The following TAAR9 variants were observed in gnomAD, a reference collection of about 807,000 sequenced individuals.
The protein encoded by TAAR9 is trace amine associated receptor 9.
For synonymous variants in TAAR9, 162 were observed against 152.6 expected (o/e 1.06, Z -0.45); for missense variants, 453 against 409.4 (o/e 1.11, Z -0.92).
exon 1 of TAAR9, chr6:132,539,211 C>A (rs776110274): frequency 6.2e-7 from 1 of 1,609,658 alleles, no homozygotes. Context: ...AGCTATGAAC[C>A]CCTTGATTTA....
chr6:132,538,562 G>A, exon 1 of TAAR9: 1 of 1,592,904 alleles, frequency 6.3e-7, no homozygotes, highest in South Asian at 1.2e-5. Flanking sequence ...TCAGCACAGT[G>A]AGGTCTGTGG....
At chr6:132,539,277 G>T (rs757490975) in exon 1 of TAAR9, 122 of 1,612,908 alleles carry the variant, frequency 7.6e-5, no homozygotes, top group Non-Finnish European at 1.0e-4. Context: ...AAGCGGCAAG[G>T]TCTTAAGGAC....
chr6:132,538,457 T>C (rs965447270), exon 1 of TAAR9: 1 of 1,613,420 alleles, frequency 6.2e-7, no homozygotes, highest in Non-Finnish European at 8.5e-7. Context: ...TCATGATTGC[T>C]ATCCTTCACT....
chr6:132,539,319 G>A, exon 1 of TAAR9: 1 of 1,608,014 alleles, frequency 6.2e-7, no homozygotes, highest in Non-Finnish European at 8.5e-7. Flanking sequence ...ATTTTCTGAA[G>A]AAGTAGAGAC....
At chr6:132,539,245 G>C in exon 1 of TAAR9, 1 of 1,612,924 alleles carries the variant, frequency 6.2e-7, no homozygotes, top group Non-Finnish European at 8.5e-7. Context: ...CAATGGTTTG[G>C]GAAGGCAATA....
At chr6:132,539,222 T>C (rs1482115576) in exon 1 of TAAR9, 3 of 1,612,104 alleles carry the variant, frequency 1.9e-6, no homozygotes, top group Non-Finnish European at 2.5e-6. Context: ...CCTTGATTTA[T>C]GCTTTCTTTT....
Position 132,538,661 on chromosome 6 carries a change from C to A in TAAR9, c.372C>A (p.Cys124Ter). ...GTTTTGCTTCTTTATTTCATTTATG[C>A]TGTATCTCTGTTGATAGATACATTG... is the stretch of plus-strand genomic sequence containing the variant. Residue 124 changes from cysteine to a stop codon, truncating the protein, a stop_gained, in exon 1 of 1, where the codon TGC becomes TGA. Coordinates refer to ENST00000434551, the Ensembl canonical transcript of TAAR9. LOFTEE classifies it low-confidence loss of function (END_TRUNC). 6.2e-7 allele frequency: 1 copy of A among 1,606,470 alleles called. No homozygotes were observed. The highest frequency in any genetic ancestry group is 8.5e-7 in the Non-Finnish European group (1 of 1,176,628).
At chr6:132,539,133 G>A in exon 1 of TAAR9, 1 of 1,571,578 alleles carries the variant, frequency 6.4e-7, no homozygotes, top group Non-Finnish European at 8.6e-7. Context: ...AGTGATTGAT[G>A]CTTATATGAA....
exon 1 of TAAR9, chr6:132,538,923 G>A (rs769746550): frequency 9.4e-6 from 15 of 1,589,696 alleles, no homozygotes; most frequent in African/African-American, 2.7e-5. Flanking sequence ...ACCCAATGTC[G>A]CCATGGTGTT....
At chr6:132,538,929 G>T (rs187427561) in exon 1 of TAAR9, 2 of 1,585,266 alleles carry the variant, frequency 1.3e-6, no homozygotes, top group East Asian at 4.5e-5. Context: ...TGTCGCCATG[G>T]TGTTTATATA....
exon 1 of TAAR9, chr6:132,539,099 T>A (rs771759324): frequency 3.2e-6 from 5 of 1,546,764 alleles, no homozygotes; most frequent in African/African-American, 1.4e-5. Flanking sequence ...TTCTTGTCTC[T>A]TGGCTACCAT....
At chr6:132,539,220 T>C (rs1776261513) in exon 1 of TAAR9, 1 of 1,611,858 alleles carries the variant, frequency 6.2e-7, no homozygotes, top group East Asian at 2.2e-5. Flanking sequence ...CCCCTTGATT[T>C]ATGCTTTCTT....
At chr6:132,539,182 G>C in exon 1 of TAAR9, 1 of 1,592,366 alleles carries the variant, frequency 6.3e-7, no homozygotes, top group Non-Finnish European at 8.5e-7. Context: ...ATTTTAGTTT[G>C]GTGTGTTTAT....
chr6:132,538,523 CTT>C lies in TAAR9; in HGVS notation c.235_236del (p.Phe79LeufsTer27). 6.2e-7 allele frequency: 1 copy of C among 1,612,088 alleles called. No homozygotes were observed. The highest frequency in any genetic ancestry group is 8.5e-7 in the Non-Finnish European group (1 of 1,178,896). On this transcript the variant is annotated frameshift_variant, in exon 1 of 1. Coordinates refer to ENST00000434551, the Ensembl canonical transcript of TAAR9. LOFTEE classifies it low-confidence loss of function (END_TRUNC). ...TGATTGCGTCGCTGGCCTGTGCTGA[CTT>C]CTTGGTGGGAGTCACTGTGATGCCC...
exon 1 of TAAR9, chr6:132,538,985 A>T: frequency 1.3e-6 from 2 of 1,534,600 alleles, no homozygotes; most frequent in Non-Finnish European, 1.7e-6. Context: ...GGAAGATAGA[A>T]AGTACAGCCA....
chr6:132,539,102 G>T, exon 1 of TAAR9: 1 of 1,547,930 alleles, frequency 6.5e-7, no homozygotes. Flanking sequence ...TTGTCTCTTG[G>T]CTACCATACC....
exon 1 of TAAR9, chr6:132,538,787 G>C (rs200294954): frequency 6.2e-7 from 1 of 1,613,736 alleles, no homozygotes; most frequent in South Asian, 1.1e-5. Flanking sequence ...ACAGCTTTTC[G>C]ATCTTTTACA....
At chr6:132,538,401 G>T in exon 1 of TAAR9, 1 of 1,613,684 alleles carries the variant, frequency 6.2e-7, no homozygotes, top group East Asian at 2.2e-5. Flanking sequence ...CCTCTACGCC[G>T]TCCTTGGTTT....
chr6:132,538,880 C>G, exon 1 of TAAR9: 1 of 1,611,784 alleles, frequency 6.2e-7, no homozygotes, highest in Non-Finnish European at 8.5e-7. Context: ...TGAATCAAAA[C>G]TGGGTCCTAC....
Sources: gnomAD v4.1 joint callset for allele counts on GRCh38, gnomAD v4.1.1 for gene constraint, MANE v1.5 for transcripts, NCBI Gene and HGNC (gene_info 2026-07-23, HGNC 2026-07-21) for gene names.